The following XPO5 variants were observed in gnomAD, a reference collection of about 807,000 sequenced individuals.
The protein encoded by XPO5 is exportin 5, also known as exportin-5.
XPO5 carries 46 observed loss-of-function variants against 160.6 expected under a neutral mutation model. That is an observed-to-expected ratio of 0.29 (90% confidence interval 0.23 to 0.37). The LOEUF is 0.37. XPO5 is among the 10% of genes least tolerant of loss of function. The pLI, the probability that XPO5 is intolerant of heterozygous loss-of-function variation, is 1.00. For missense variants in XPO5, 1,090 were observed against 1,463.9 expected (o/e 0.74, Z 4.17); for synonymous variants, 537 against 519.3 (o/e 1.03, Z -0.46).
intron 12 of XPO5, 46 bp downstream of exon 12, chr6:43,558,455 G>A (rs374011542): frequency 1.1e-3 from 1,693 of 1,489,796 alleles, no homozygotes; most frequent in Non-Finnish European, 1.5e-3. Flanking sequence ...AATACTAGAT[G>A]CCATTCTGAG....
At chr6:43,561,081 A>C in intron 9 of XPO5, 74 bp from the exon 10 acceptor site, 1 of 1,235,992 alleles carries the variant, frequency 8.1e-7, no homozygotes, top group East Asian at 2.3e-5. Flanking sequence ...GAAGTAATAA[A>C]AACAGATAAA....
At chr6:43,551,020 T>A (rs1167297088) in intron 15 of XPO5, 1 of 251,532 alleles carries the variant, frequency 4.0e-6, no homozygotes, top group African/African-American at 2.2e-5. Flanking sequence ...CAGTAAGTAC[T>A]GAGTAGATAT....
intron 7 of XPO5, among the ~76,000 whole-genome samples, chr6:43,566,427 G>A (rs1476905808): frequency 6.6e-6 from 1 of 151,818 alleles, no homozygotes. Flanking sequence ...AAATGTGTTG[G>A]GCAATAATGC....
chr6:43,539,632 GC>G, intron 20 of XPO5: 1 of 1,339,210 alleles, frequency 7.5e-7, no homozygotes, highest in Non-Finnish European at 1.0e-6. Context: ...CTCTGCGGAA[GC>G]CACCGCGGTT....
chr6:43,525,709 T>C, intron 28 of XPO5, 130 bp downstream of exon 28: 1 of 999,164 alleles, frequency 1.0e-6, no homozygotes, highest in Non-Finnish European at 1.4e-6. Flanking sequence ...TCTGGGGCCT[T>C]TGGAACCAGG....
chr6:43,553,580 CAG>C (rs1010186370), intron 13 of XPO5, 77 bp from the exon 14 acceptor site: 6 of 1,499,978 alleles, frequency 4.0e-6, no homozygotes, highest in Middle Eastern at 1.7e-4. Context: ...GCAGAAGACA[CAG>C]AGAGACAATG....
intron 23 of XPO5, among the ~76,000 whole-genome samples, chr6:43,530,018 G>A (rs1198667329): frequency 6.6e-6 from 1 of 152,174 alleles, no homozygotes; most frequent in Non-Finnish European, 1.5e-5. Flanking sequence ...ACTTTGGGAG[G>A]CTGAGGCAGG....
intron 26 of XPO5, 117 bp downstream of exon 26, chr6:43,527,517 C>T (rs1466506131): frequency 1.6e-5 from 16 of 997,168 alleles, no homozygotes; most frequent in South Asian, 4.6e-5. Context: ...CGCAATCCAC[C>T]ATGCCCGCCG....
chr6:43,548,684 T>TC (rs1334414813), intron 17 of XPO5, among the ~76,000 whole-genome samples: 1 of 151,792 alleles, frequency 6.6e-6, no homozygotes, highest in Non-Finnish European at 1.5e-5. Context: ...AACTGCACTT[T>TC]CCCATACTAC....
chr6:43,540,065 G>A (rs752393216), intron 20 of XPO5, among the ~76,000 whole-genome samples: 1 of 152,220 alleles, frequency 6.6e-6, no homozygotes, highest in African/African-American at 2.4e-5. Flanking sequence ...GAACCAGCCT[G>A]GCCAACATGA....
rs1793251075 is a variant in XPO5, at chr6:43,522,507, T to C, written c.*1361A>G. The stretch of plus-strand genomic sequence containing the variant: ...CTCCACAGCCCCAACCAGACAGGAA[T>C]AGGCAGCTATCAGGTTTGGAGGGAA... On this transcript the variant is annotated 3_prime_UTR_variant, in exon 32 of 32. Transcript: ENST00000265351. 2.7e-5 allele frequency: 6 copies of C among 223,444 alleles called. No homozygotes were observed. Among genetic ancestry groups the C allele is most frequent in the South Asian group, 1.9e-4 (4 of 21,574 alleles). 13.8% of individuals were successfully genotyped at this position (223,444 alleles called of 1,614,324 possible). A position where few individuals can be genotyped will look rare whatever the true frequency, so the allele number is the denominator to read the frequency against.
chr6:43,529,757 AAAT>A (rs1385699099), intron 23 of XPO5, among the ~76,000 whole-genome samples: 1 of 151,382 alleles, frequency 6.6e-6, no homozygotes, highest in East Asian at 1.9e-4. Context: ...CCATCTCTAC[AAAT>A]AATAATAAAA....
rs1793980981 is a variant in XPO5, at chr6:43,531,556, C to G, written c.2463G>C (p.Leu821Phe). The G allele has an allele frequency of 6.2e-7, 1 of 1,613,734 alleles. No homozygotes were observed. The highest frequency in any genetic ancestry group is 1.3e-5 in the African/African-American group (1 of 74,906). Reference protein sequence around the residue: ...SAILGLPQPLLELNDSPVFKT... With the variant: ...SAILGLPQPLFELNDSPVFKT... ...TGAAGACAGGAGAGTCATTGAGTTC[C>G]AAGAGAGGTTGAGGTAATCCTACAG... Residue 821 changes from leucine (L) to phenylalanine (F), a missense_variant, in exon 22 of 32, where the codon TTG becomes TTC. Coordinates refer to ENST00000265351, the MANE Select transcript of XPO5 (RefSeq NM_020750.3).
At chr6:43,529,003 C>A in intron 23 of XPO5, 78 bp from the exon 24 acceptor site, 1 of 1,328,028 alleles carries the variant, frequency 7.5e-7, no homozygotes. Context: ...CACCCCTGGG[C>A]AGAATCAATC....
At chr6:43,566,674 G>T in intron 7 of XPO5, 1 of 420,854 alleles carries the variant, frequency 2.4e-6, no homozygotes, top group Non-Finnish European at 4.9e-6. Context: ...GTCGGGCATG[G>T]TGGCGTGTGC....
intron 14 of XPO5, among the ~76,000 whole-genome samples, chr6:43,552,946 G>A (rs1458632510): frequency 6.6e-6 from 1 of 152,156 alleles, no homozygotes; most frequent in African/African-American, 2.4e-5. Context: ...GTTTGAACTT[G>A]AGTATGCTAT....
At position 43,559,791 on chromosome 6, in the gene XPO5, G is replaced by C. The variant is rs150288873; in HGVS notation, c.1221+387C>G. The stretch of plus-strand genomic sequence containing the variant: ...GTAAAGGAATCTTAGTGATGAAGAA[G>C]GGCTGTTAATAATGCCAATCAGTCT... On this transcript the variant is annotated intron_variant, in intron 11 of 31. Coordinates refer to ENST00000265351, the MANE Select transcript of XPO5 (RefSeq NM_020750.3). 5.9e-3 allele frequency among the ~76,000 whole-genome samples: 905 copies of C among 152,222 alleles called. 11 individuals carry two copies. Among genetic ancestry groups the C allele is most frequent in the African/African-American group, 0.02 (836 of 41,536 alleles).
At chr6:43,571,803 CA>C (rs1038939431) in intron 3 of XPO5, among the ~76,000 whole-genome samples, 2,310 of 124,404 alleles carry the variant, frequency 0.019, 44 homozygotes, top group African/African-American at 0.058. Flanking sequence ...GACTCTGTCT[CA>C]AAAAAAAAAA....
chr6:43,554,518 G>C (rs1561879217), intron 13 of XPO5, among the ~76,000 whole-genome samples: 1 of 151,518 alleles, frequency 6.6e-6, no homozygotes, highest in Admixed American at 6.6e-5. Flanking sequence ...TCCACCTCCT[G>C]GGTTCAAGTG....
Sources: gnomAD v4.1 joint callset for allele counts (sites outside exome capture counted in the v4.1 genomes callset) on GRCh38, gnomAD v4.1.1 for gene constraint, MANE v1.5 for transcripts, NCBI Gene and HGNC (gene_info 2026-07-23, HGNC 2026-07-21) for gene names.